The following VPS13B variants were observed in gnomAD, a reference collection of about 807,000 sequenced individuals.
VPS13B encodes the protein intermembrane lipid transfer protein VPS13B.
In VPS13B, 285 loss-of-function variants were observed where a neutral mutation model predicts 426.4. The observed-to-expected ratio is 0.67, with a 90% confidence interval of 0.61 to 0.74. The LOEUF (loss-of-function observed/expected upper bound fraction) is 0.74, where lower values mean the gene tolerates loss of function less well. Among genes scored for constraint, VPS13B ranks in the 30% least tolerant of loss-of-function variants. VPS13B has a pLI of 0.00. For missense variants in VPS13B, 4,537 were observed against 4,782.6 expected, an observed-to-expected ratio of 0.95 and a Z score of 1.51; for synonymous variants, 1,676 against 1,676.4, an observed-to-expected ratio of 1.00 and a Z score of 0.01.
At chr8:99,296,843 A>G (rs1820067770) in intron 19 of VPS13B, among the ~76,000 whole-genome samples, 1 of 152,198 alleles carries the variant, frequency 6.6e-6, no homozygotes, top group South Asian at 2.1e-4. Flanking sequence ...TTCACCAGAT[A>G]GTAAACCTGC....
chr8:99,055,648 A>G (rs1391171717), intron 3 of VPS13B, among the ~76,000 whole-genome samples: 2 of 152,078 alleles, frequency 1.3e-5, no homozygotes, highest in East Asian at 3.9e-4. Flanking sequence ...GTGCTATTGT[A>G]TGTAGAATTG....
intron 19 of VPS13B, among the ~76,000 whole-genome samples, chr8:99,307,794 T>C (rs1820723040): frequency 1.3e-5 from 2 of 152,144 alleles, no homozygotes; most frequent in South Asian, 4.1e-4. Context: ...TGTCATCTCC[T>C]AATTTTGGGT....
intron 3 of VPS13B, among the ~76,000 whole-genome samples, 183 bp downstream of exon 3, chr8:99,038,749 C>T (rs946985375): frequency 2.4e-5 from 3 of 127,274 alleles, no homozygotes; most frequent in South Asian, 5.0e-4. Flanking sequence ...TGCAGTGGTG[C>T]GATCTCGGCT....
intron 17 of VPS13B, among the ~76,000 whole-genome samples, chr8:99,249,136 TATATTA>T (rs1394245386): frequency 1.4e-5 from 2 of 144,576 alleles, no homozygotes; most frequent in East Asian, 2.0e-4. Flanking sequence ...AAAGGAATCA[TATATTA>T]ATATTATGTG....
intron 30 of VPS13B, among the ~76,000 whole-genome samples, chr8:99,521,816 C>A (rs7832916): frequency 0.063 from 9,640 of 152,176 alleles, 409 homozygotes; most frequent in African/African-American, 0.12. Context: ...TTTGGTGATT[C>A]ATTTACCATC....
At chr8:99,194,075 C>T (rs746174151) in intron 17 of VPS13B, among the ~76,000 whole-genome samples, 5 of 152,126 alleles carry the variant, frequency 3.3e-5, no homozygotes, top group Non-Finnish European at 5.9e-5. Flanking sequence ...GAATTTTCTA[C>T]TTGTATCATG....
intron 19 of VPS13B, among the ~76,000 whole-genome samples, chr8:99,382,384 G>A (rs139149031): frequency 6.6e-6 from 1 of 152,112 alleles, no homozygotes; most frequent in African/African-American, 2.4e-5. Flanking sequence ...TAGTTTGATA[G>A]GAACAGCATT....
At chr8:99,656,520 C>T (rs1450332955) in intron 34 of VPS13B, among the ~76,000 whole-genome samples, 1 of 152,136 alleles carries the variant, frequency 6.6e-6, no homozygotes, top group South Asian at 2.1e-4. Context: ...GGTACATTCC[C>T]CAGTGTGTTG....
chr8:99,390,386 GCCACCGCAC>G (rs1814373294), intron 20 of VPS13B, among the ~76,000 whole-genome samples: 1 of 152,310 alleles, frequency 6.6e-6, no homozygotes, highest in East Asian at 1.9e-4. Flanking sequence ...ACAGGCGTGA[GCCACCGCAC>G]CCAGCCTCTA....
intron 16 of VPS13B, among the ~76,000 whole-genome samples, chr8:99,188,053 ATT>A (rs60360700): frequency 1.4e-3 from 154 of 112,760 alleles, no homozygotes; most frequent in African/African-American, 4.8e-3. Flanking sequence ...TTGTTTGGAC[ATT>A]TTTTTTTTTT....
intron 19 of VPS13B, chr8:99,340,566 T>G (rs773776627): frequency 8.6e-6 from 4 of 462,932 alleles, no homozygotes; most frequent in Non-Finnish European, 1.7e-5. Flanking sequence ...GGGTGGTAAT[T>G]ATCAGGCACA....
At chr8:99,384,887 C>T (rs182847821) in intron 20 of VPS13B, among the ~76,000 whole-genome samples, 1 of 152,288 alleles carries the variant, frequency 6.6e-6, no homozygotes, top group Non-Finnish European at 1.5e-5. Context: ...ACCTGTTGGC[C>T]AGGCTGGTCT....
chr8:99,829,469 A>G (rs563436681), intron 51 of VPS13B, among the ~76,000 whole-genome samples: 3 of 151,992 alleles, frequency 2.0e-5, no homozygotes, highest in Non-Finnish European at 4.4e-5. Flanking sequence ...TCTTCTCTAC[A>G]CTGGTTATCC....
chr8:99,288,884 A>G (rs145728251), intron 19 of VPS13B, among the ~76,000 whole-genome samples: 5 of 152,172 alleles, frequency 3.3e-5, no homozygotes, highest in Non-Finnish European at 7.4e-5. Flanking sequence ...AGGAACAAAG[A>G]TATTGATTGT....
intron 3 of VPS13B, among the ~76,000 whole-genome samples, chr8:99,039,167 T>A (rs542542472): frequency 6.6e-6 from 1 of 152,348 alleles, no homozygotes; most frequent in Non-Finnish European, 1.5e-5. Context: ...GTCCGATTTT[T>A]ACATTAACAT....
At chr8:99,464,414 G>A (rs11984695) in intron 23 of VPS13B, among the ~76,000 whole-genome samples, 2,500 of 152,206 alleles carry the variant, frequency 0.016, 70 homozygotes, top group African/African-American at 0.057. Context: ...GAAAGGAAAA[G>A]ACTGATTATC....
intron 19 of VPS13B, chr8:99,340,402 T>C (rs921240376): frequency 2.2e-6 from 1 of 465,110 alleles, no homozygotes; most frequent in Non-Finnish European, 4.3e-6. Flanking sequence ...TATATTCTGC[T>C]AAAAACTTCA....
Position 99,661,366 on chromosome 8 carries a change from C to T in VPS13B, c.5921C>T (p.Thr1974Ile), listed in dbSNP as rs201494346. 9 of 1,613,628 alleles carry T rather than the reference C, an allele frequency of 5.6e-6. No homozygotes were observed. The Admixed American group carries it at 6.7e-5, about 12-fold the overall frequency. ...TTTGTCACTTTAGATCCTGGGAAGA[C>T]TCTGCCTGAAGCCCTTGATTATTGC... is the stretch of plus-strand genomic sequence containing the variant. ...SDYKCIDPGK[T>I]LPEALDYCTV... Residue 1974 changes from threonine (T) to isoleucine (I), a missense_variant, in exon 35 of 62, where the codon ACT becomes ATT. Thr to Ile is a moderately conservative substitution (Grantham distance 89). Transcript: ENST00000357162.
At chr8:99,743,955 A>G (rs979503474) in intron 39 of VPS13B, among the ~76,000 whole-genome samples, 1 of 152,226 alleles carries the variant, frequency 6.6e-6, no homozygotes, top group African/African-American at 2.4e-5. Context: ...CAATGGCAAC[A>G]AAAGCCAAAA....
Sources: allele counts gnomAD v4.1 joint callset (sites outside exome capture counted in the v4.1 genomes callset), GRCh38; gene constraint gnomAD v4.1.1; transcripts MANE v1.5; gene names NCBI Gene and HGNC (gene_info 2026-07-23, HGNC 2026-07-21).